HSPD1: variants seen among roughly 807,000 people sequenced by gnomAD.
The protein encoded by HSPD1 is 60 kDa heat shock protein, mitochondrial.
A neutral mutation model predicts 53.0 loss-of-function variants in HSPD1; 3 were observed. That is an observed-to-expected ratio of 0.06 (90% confidence interval 0.03 to 0.15). The LOEUF is 0.15. Among genes scored for constraint, HSPD1 ranks in the 10% least tolerant of loss-of-function variants. The probability of loss-of-function intolerance (pLI) is 1.00; values close to 1 mark genes in which losing one functional copy is unlikely to be tolerated. For missense variants in HSPD1, 431 were observed against 694.1 expected, an observed-to-expected ratio of 0.62 and a Z score of 4.26; for synonymous variants, 200 against 228.0, an observed-to-expected ratio of 0.88 and a Z score of 1.10.
At chr2:197,497,635 C>T (rs2086175290) in intron 2 of HSPD1, 1 of 550,204 alleles carries the variant, frequency 1.8e-6, no homozygotes. Context: ...GATTAAAATC[C>T]TAGGGACTAA....
chr2:197,487,753 G>T (rs1348410358), intron 11 of HSPD1, 105 bp downstream of exon 11: 4 of 876,078 alleles, frequency 4.6e-6, no homozygotes, highest in Non-Finnish European at 7.6e-6. Flanking sequence ...TGTTGCTACT[G>T]CTATTAGACT....
Position 197,486,730 on chromosome 2 carries a change from GAAT to G in HSPD1, c.*313_*315del. On this transcript the variant is annotated 3_prime_UTR_variant, in exon 12 of 12. Coordinates refer to ENST00000388968, the MANE Select transcript of HSPD1 (RefSeq NM_002156.5). Reference sequence around the variant, plus strand: ...AAGCACTAAAATCCTGATTTTAACAGAATAGTAGTAAAAATGCCTCAGTGATTT... The same window carrying G: ...AAGCACTAAAATCCTGATTTTAACAGAGTAGTAAAAATGCCTCAGTGATTT... 6 of 365,398 alleles carry G rather than the reference GAAT, an allele frequency of 1.6e-5. No homozygotes were observed. The highest frequency in any genetic ancestry group is 1.5e-4 in the South Asian group (6 of 39,382). 22.6% of individuals were successfully genotyped at this position (365,398 alleles called of 1,614,324 possible). A position where few individuals can be genotyped will look rare whatever the true frequency, so the allele number is the denominator to read the frequency against.
At chr2:197,498,537 T>C (rs2086190210) in intron 2 of HSPD1, 138 bp downstream of exon 2, 2 of 805,268 alleles carry the variant, frequency 2.5e-6, no homozygotes, top group Non-Finnish European at 4.1e-6. Flanking sequence ...GGCTAACCAA[T>C]ACTTCAGAAT....
rs541343308 is a variant in HSPD1 at position 197,498,527 on chromosome 2, G to C, written c.174+148C>G. ...TTTAAGATCATGTCTAAGAAAAAAA[G>C]GCTAACCAATACTTCAGAATTCTTA... On this transcript the variant is annotated intron_variant, in intron 2 of 11. Coordinates refer to ENST00000388968, the MANE Select transcript of HSPD1 (RefSeq NM_002156.5). 12 of 761,978 alleles carry C rather than the reference G, an allele frequency of 1.6e-5. No individual in the cohort carries two copies. In the South Asian group the frequency reaches 1.9e-4, roughly 12 times the overall value. 47.2% of individuals were successfully genotyped at this position (761,978 alleles called of 1,614,324 possible).
intron 8 of HSPD1, among the ~76,000 whole-genome samples, chr2:197,489,668 G>A (rs937629732): frequency 3.3e-5 from 5 of 152,038 alleles, no homozygotes; most frequent in African/African-American, 1.2e-4. Context: ...GAGAAGCCTA[G>A]GCAATACAGT....
At chr2:197,496,387 T>C (rs1162610860) in intron 3 of HSPD1, among the ~76,000 whole-genome samples, 1 of 152,192 alleles carries the variant, frequency 6.6e-6, no homozygotes, top group Non-Finnish European at 1.5e-5. Flanking sequence ...ATAGATGAGG[T>C]AATGATACAT....
chr2:197,500,219 T>G (rs1346223958), upstream of HSPD1: 4 of 616,372 alleles, frequency 6.5e-6, no homozygotes, highest in Non-Finnish European at 1.2e-5. Flanking sequence ...CCTCCGAGTC[T>G]TCGCGTCAGC....
At chr2:197,488,247 G>T in intron 10 of HSPD1, 70 bp downstream of exon 10, 1 of 1,335,532 alleles carries the variant, frequency 7.5e-7, no homozygotes, top group Non-Finnish European at 1.1e-6. Context: ...CCATTTAGGG[G>T]ACTGCAACAT....
chr2:197,500,268 T>C, upstream of HSPD1: 3 of 854,542 alleles, frequency 3.5e-6, no homozygotes, highest in South Asian at 4.8e-5. Flanking sequence ...GCGGTGCGCG[T>C]CGGGGCGACC....
intron 8 of HSPD1, 143 bp downstream of exon 8, chr2:197,490,054 C>T (rs991732927): frequency 1.5e-5 from 11 of 710,080 alleles, no homozygotes; most frequent in Non-Finnish European, 2.5e-5. Flanking sequence ...GGCAAATTAA[C>T]GGGAATTTAA....
At chr2:197,494,786 G>A (rs1343564484) in intron 4 of HSPD1, 34 bp from the exon 5 acceptor site, 2 of 1,414,594 alleles carry the variant, frequency 1.4e-6, no homozygotes, top group Non-Finnish European at 2.0e-6. Context: ...GAAATTAAAA[G>A]GTAAGCCTAG....
chr2:197,497,496 G>A (rs998185067), intron 2 of HSPD1, 104 bp from the exon 3 acceptor site: 5 of 1,165,020 alleles, frequency 4.3e-6, no homozygotes, highest in Non-Finnish European at 5.1e-6. Flanking sequence ...AAGTCTCAAC[G>A]TAAGTTGTGT....
chr2:197,497,488 G>A, intron 2 of HSPD1, 96 bp from the exon 3 acceptor site: 1 of 1,239,596 alleles, frequency 8.1e-7, no homozygotes, highest in African/African-American at 1.5e-5. Flanking sequence ...CTACTTCAAA[G>A]TCTCAACGTA....
intron 5 of HSPD1, 37 bp from the exon 6 acceptor site, chr2:197,494,287 T>C (rs758905756): frequency 1.2e-5 from 12 of 1,013,500 alleles, no homozygotes; most frequent in South Asian, 5.1e-5. Context: ...ATGGATTTCA[T>C]TGAACACAAA....
In HSPD1 at chr2:197,489,151, T is replaced by C. The variant is rs771451010; in HGVS notation, c.1066A>G (p.Met356Val). The C allele has an allele frequency of 1.9e-6, 3 of 1,614,074 alleles. No individual in the cohort carries two copies. The highest frequency in any genetic ancestry group is 1.7e-6 in the Non-Finnish European group (2 of 1,180,024). ...GEVIVTKDDA[M>V]LLKGKGDKAQ... ...TTGTCACCTTTTCCTTTTAAGAGCA[T>C]GGCATCGTCTTTGGTCACAATGACC... Residue 356 changes from methionine (M) to valine (V), a missense_variant, in exon 9 of 12, where the codon ATG (methionine) becomes GTG (valine). Met to Val is a conservative substitution (Grantham distance 21). Transcript: ENST00000388968.
At chr2:197,493,600 G>A (rs2086120581) in intron 6 of HSPD1, 108 bp from the exon 7 acceptor site, 6 of 804,024 alleles carry the variant, frequency 7.5e-6, no homozygotes, top group Non-Finnish European at 1.0e-5. Flanking sequence ...CCAGTGAGTT[G>A]GTTTTCCTCC....
intron 7 of HSPD1, among the ~76,000 whole-genome samples, chr2:197,490,832 T>TA (rs1375166205): frequency 6.6e-6 from 1 of 152,230 alleles, no homozygotes; most frequent in Admixed American, 6.5e-5. Flanking sequence ...GAGGGTCATT[T>TA]AATAAACATC....
In HSPD1 at chr2:197,495,321, A is replaced by G. The variant is rs758270645; in HGVS notation, c.483T>C (p.Pro161=). ...VIAELKKQSK[P]VTTPEEIAQV... is the part of the protein sequence containing the mutation. ...GTGCAATTTCTTCAGGGGTGGTCAC[A>G]GGTTTAGACTGCTTTTTAAGTTCAG... The change falls in exon 4 of 12, where the codon CCT becomes CCC. Residue 161 remains proline, a synonymous_variant. Transcript: ENST00000388968. 1 of 1,610,110 alleles carries G rather than the reference A, an allele frequency of 6.2e-7. No individual in the cohort carries two copies.
chr2:197,494,122 AAAT>A (rs762576043), intron 6 of HSPD1, 32 bp downstream of exon 6: 19 of 983,844 alleles, frequency 1.9e-5, no homozygotes, highest in Admixed American at 8.6e-5. Context: ...AAAATAATAA[AAAT>A]AATAATAATT....
Sources: gnomAD v4.1 joint callset for allele counts (sites outside exome capture counted in the v4.1 genomes callset) on GRCh38, gnomAD v4.1.1 for gene constraint, MANE v1.5 for transcripts, NCBI Gene and HGNC (gene_info 2026-07-23, HGNC 2026-07-21) for gene names.